ADGRF5: variants seen among roughly 807,000 people sequenced by gnomAD.
ADGRF5 encodes the protein adhesion G protein-coupled receptor F5.
A neutral mutation model predicts 132.3 loss-of-function variants in ADGRF5; 75 were observed. The ratio of observed to expected loss-of-function variants is 0.57; its 90% CI spans 0.47 to 0.69. The LOEUF is 0.69. Among genes scored for constraint, ADGRF5 ranks in the 30% least tolerant of loss-of-function variants. ADGRF5 has a pLI of 0.00. For synonymous variants in ADGRF5, 629 were observed against 597.6 expected, an observed-to-expected ratio of 1.05 and a Z score of -0.77; for missense variants, 1,516 against 1,630.6, an observed-to-expected ratio of 0.93 and a Z score of 1.21.
At chr6:46,942,523 T>G (rs888965204) in intron 1 of ADGRF5, among the ~76,000 whole-genome samples, 2 of 152,202 alleles carry the variant, frequency 1.3e-5, no homozygotes, top group Non-Finnish European at 2.9e-5. Flanking sequence ...TTTTCTTATG[T>G]GTAAAAGAGA....
At chr6:46,932,531 C>T (rs1459692020) in intron 1 of ADGRF5, among the ~76,000 whole-genome samples, 1 of 152,108 alleles carries the variant, frequency 6.6e-6, no homozygotes, top group Non-Finnish European at 1.5e-5. Context: ...CCCCCTGAAG[C>T]CCTTTGTTTG....
At position 46,859,488 on chromosome 6, in the gene ADGRF5, C is replaced by G. The variant is rs1433642603; in HGVS notation, c.2415G>C (p.Lys805Asn). 1.9e-6 allele frequency: 3 copies of G among 1,612,882 alleles called. No homozygotes were observed. Among genetic ancestry groups the G allele is most frequent in the Non-Finnish European group, 2.5e-6 (3 of 1,179,174 alleles). The change falls in exon 17 of 21, where the codon AAG becomes AAC. Residue 805 changes from lysine (K) to asparagine (N), a missense_variant. Physicochemically the swap from Lys to Asn is moderately conservative, Grantham distance 94. Around this residue, in one of 2 missense-constraint regions of ADGRF5, gnomAD observed 571 missense variants for 701.2 expected, o/e 0.81. Coordinates refer to ENST00000283296, the MANE Select transcript of ADGRF5 (RefSeq NM_001098518.2). ...AAACCTTCCAGGTGTTCAAGACGGG[C>G]TTGCCAAGGATGACATTAACCGTAG... ...VLSTVNVILGKPVLNTWKVLQ... is the reference protein window; with the variant it reads ...VLSTVNVILGNPVLNTWKVLQ...
chr6:46,869,432 A>G, intron 11 of ADGRF5: 3 of 972,658 alleles, frequency 3.1e-6, no homozygotes, highest in Non-Finnish European at 2.4e-6. Context: ...CTCCCCTCCA[A>G]CCTCCTCTGT....
intron 16 of ADGRF5, among the ~76,000 whole-genome samples, chr6:46,860,321 GA>G (rs1280721502): frequency 1.3e-5 from 2 of 152,138 alleles, no homozygotes; most frequent in Non-Finnish European, 2.9e-5. Context: ...TCTTGTAGGT[GA>G]ATTCTTTATC....
chr6:46,880,406 A>C (rs1255951074), intron 8 of ADGRF5, among the ~76,000 whole-genome samples: 1 of 152,254 alleles, frequency 6.6e-6, no homozygotes, highest in Non-Finnish European at 1.5e-5. Context: ...ACACACTGGA[A>C]TAATATCAAC....
intron 4 of ADGRF5, 81 bp from the exon 5 acceptor site, chr6:46,884,352 A>C: frequency 1.9e-6 from 2 of 1,079,096 alleles, no homozygotes; most frequent in South Asian, 1.5e-5. Context: ...GCAGGTATTC[A>C]TTCTTGAAGA....
intron 1 of ADGRF5, among the ~76,000 whole-genome samples, chr6:46,927,526 A>G (rs1724507851): frequency 6.6e-6 from 1 of 152,086 alleles, no homozygotes; most frequent in African/African-American, 2.4e-5. Flanking sequence ...TAGGAGAAAT[A>G]ATGGTTGTAA....
intron 1 of ADGRF5, among the ~76,000 whole-genome samples, chr6:46,946,264 C>T (rs897758546): frequency 3.3e-5 from 5 of 152,124 alleles, no homozygotes; most frequent in South Asian, 2.1e-4. Flanking sequence ...CATTGGTGTC[C>T]TGGAAGGCAG....
chr6:46,925,958 C>A (rs1336723436), upstream of ADGRF5, among the ~76,000 whole-genome samples: 1 of 151,832 alleles, frequency 6.6e-6, no homozygotes, highest in African/African-American at 2.4e-5. Flanking sequence ...ACGTTGGTAA[C>A]CCTTTTGACC....
intron 2 of ADGRF5, chr6:46,905,513 A>T (rs1218675058): frequency 2.0e-5 from 3 of 152,192 alleles, no homozygotes; most frequent in Non-Finnish European, 4.4e-5. Context: ...TACTTGCTCA[A>T]GTTTGGTTTA....
Position 46,876,832 on chromosome 6 carries a change from C to T in ADGRF5, c.1240+1370G>A, listed in dbSNP as rs564644603. On this transcript the variant is annotated intron_variant, in intron 10 of 20. Transcript: ENST00000283296. ...GTTGGCCAGGCTCGTCTCCAATGCT[C>T]AACCTCAGATGATCCACCTGCCTCG... Among the ~76,000 whole-genome samples, 710 of 152,240 alleles carry T rather than the reference C, an allele frequency of 4.7e-3. 10 individuals are homozygous for T. The highest frequency in any genetic ancestry group is 0.016 in the African/African-American group (678 of 41,540).
intron 1 of ADGRF5, among the ~76,000 whole-genome samples, chr6:46,933,173 G>A (rs1217181304): frequency 2.0e-5 from 3 of 152,212 alleles, no homozygotes; most frequent in East Asian, 1.9e-4. Context: ...CACAGAGCTC[G>A]TGAGTGAGCT....
In ADGRF5 at chr6:46,906,614, A is replaced by G. The variant is rs764843704; in HGVS notation, c.102+47T>C. On this transcript the variant is annotated intron_variant, in intron 2 of 20. Transcript: ENST00000283296. The stretch of plus-strand genomic sequence containing the variant: ...AAGAACCATTGTCAGTCAGGAAATC[A>G]GAAAAATGTGACAAGAAAAATTATA... The G allele has an allele frequency of 3.3e-5, 33 of 1,001,064 alleles. 1 individual carries two copies. The South Asian group carries it at 4.4e-4, about 13-fold the overall frequency. The allele number at this position is 1,001,064 out of a possible 1,614,324, so 62.0% of individuals were successfully genotyped here.
At chr6:46,944,475 G>T (rs1239605500) in intron 1 of ADGRF5, among the ~76,000 whole-genome samples, 1 of 152,048 alleles carries the variant, frequency 6.6e-6, no homozygotes, top group East Asian at 1.9e-4. Flanking sequence ...TTGCAGCATT[G>T]CTCCCTGTCC....
rs1581712999 is a variant in ADGRF5, at chr6:46,856,614, A to G, written c.3876+104T>C. The G allele has an allele frequency of 6.7e-6, 5 of 740,914 alleles. No homozygotes were observed. In the Admixed American group the frequency reaches 1.2e-4, roughly 18 times the overall value. 45.9% of individuals were successfully genotyped at this position (740,914 alleles called of 1,614,324 possible). On this transcript the variant is annotated intron_variant, in intron 19 of 20. Transcript: ENST00000283296. ...TTGAGGATGCAATATATTTAGCCTA[A>G]TTGATCAAAATCCCAAAGAAAAAAT...
chr6:46,951,093 A>T (rs1778482494), intron 1 of ADGRF5, among the ~76,000 whole-genome samples: 1 of 152,242 alleles, frequency 6.6e-6, no homozygotes, highest in Admixed American at 6.5e-5. Context: ...GCAGGTTAAT[A>T]TCCCTTTTGT....
At chr6:46,885,960 T>C (rs1204789394) in intron 4 of ADGRF5, among the ~76,000 whole-genome samples, 2 of 152,262 alleles carry the variant, frequency 1.3e-5, no homozygotes, top group Non-Finnish European at 2.9e-5. Context: ...TTTTAGACTC[T>C]GTTGTGCACC....
chr6:46,859,937 G>A (rs565256674), intron 16 of ADGRF5, among the ~76,000 whole-genome samples: 73 of 151,980 alleles, frequency 4.8e-4, no homozygotes, highest in Non-Finnish European at 1.3e-4. Flanking sequence ...TGATCCATCC[G>A]CCTCGGCCTC....
chr6:46,897,650 C>A (rs1278107069), intron 3 of ADGRF5, among the ~76,000 whole-genome samples: 1 of 152,190 alleles, frequency 6.6e-6, no homozygotes, highest in Non-Finnish European at 1.5e-5. Flanking sequence ...TCTCAGCTCA[C>A]TGCAACCTCC....
Sources: gnomAD v4.1 joint callset for allele counts (sites outside exome capture counted in the v4.1 genomes callset) on GRCh38, gnomAD v4.1.1 for gene constraint, gnomAD v4.1.1 regional missense constraint, MANE v1.5 for transcripts, NCBI Gene and HGNC (gene_info 2026-07-23, HGNC 2026-07-21) for gene names.